Variants in CD82 observed in about 807,000 individuals in gnomAD.
CD82 encodes the protein CD82 antigen.
CD82 carries 36 observed loss-of-function variants against 37.4 expected under a neutral mutation model. The ratio of observed to expected loss-of-function variants is 0.96; its 90% CI spans 0.74 to 1.27. The LOEUF (loss-of-function observed/expected upper bound fraction) is 1.27. Among genes scored for constraint, CD82 ranks in the 50% most tolerant of loss-of-function variants. The pLI is 0.00. For missense variants in CD82, 340 were observed against 347.0 expected (o/e 0.98, Z 0.16); for synonymous variants, 158 against 137.4 (o/e 1.15, Z -1.05).
intron 1 of CD82, among the ~76,000 whole-genome samples, chr11:44,567,464 C>T (rs1353646506): frequency 1.3e-5 from 2 of 151,172 alleles, no homozygotes; most frequent in East Asian, 3.9e-4. Flanking sequence ...GGTAAGGAGG[C>T]TTCCTGGAGG....
intron 1 of CD82, chr11:44,566,299 T>G (rs1852734162): frequency 6.6e-6 from 1 of 152,220 alleles, no homozygotes; most frequent in Non-Finnish European, 1.5e-5. Flanking sequence ...CCCCTAAGAC[T>G]TCAAGTTGGA....
chr11:44,600,739 T>C (rs913664425), intron 4 of CD82, among the ~76,000 whole-genome samples: 2 of 152,200 alleles, frequency 1.3e-5, no homozygotes, highest in African/African-American at 4.8e-5. Context: ...ATCAGGCTCC[T>C]CATGTGCCAG....
chr11:44,569,045 G>A (rs77691947), intron 1 of CD82, among the ~76,000 whole-genome samples: 2,320 of 152,332 alleles, frequency 0.015, 58 homozygotes, highest in African/African-American at 0.053. Context: ...GGCTCTGTGA[G>A]AGGTGGGAAG....
At chr11:44,600,067 C>T (rs1853285379) in intron 3 of CD82, 91 bp from the exon 4 acceptor site, 1 of 1,332,668 alleles carries the variant, frequency 7.5e-7, no homozygotes, top group South Asian at 1.2e-5. Context: ...GCCCCCTGCC[C>T]TGCCCACCCT....
chr11:44,597,044 G>A lies in CD82; in HGVS notation c.63+2319G>A, dbSNP rs1444704569. The A allele has an allele frequency of 2.2e-6, 1 of 455,586 alleles. No homozygotes were observed. Among genetic ancestry groups the A allele is most frequent in the Non-Finnish European group, 4.4e-6 (1 of 226,936 alleles). 28.2% of individuals were successfully genotyped at this position (455,586 alleles called of 1,614,324 possible). A position where few individuals can be genotyped will look rare whatever the true frequency, so the allele number is the denominator to read the frequency against. On this transcript the variant is annotated intron_variant, in intron 3 of 9. Transcript: ENST00000227155. The surrounding 1 kb of genome is among the most constrained non-coding windows in gnomAD (Gnocchi z 4.1). ...CCTGGCAGCAGGGGCAGCCGGTGGA[G>A]GCAGAGTGCACCTCCCCAGGCATAG... is the stretch of plus-strand genomic sequence containing the variant.
intron 3 of CD82, among the ~76,000 whole-genome samples, chr11:44,599,182 G>A (rs1276181177): frequency 6.6e-6 from 1 of 152,180 alleles, no homozygotes; most frequent in East Asian, 1.9e-4. Flanking sequence ...AGGGGGTCTT[G>A]CCCTGTCACC....
chr11:44,568,099 G>T (rs954483146), intron 1 of CD82, among the ~76,000 whole-genome samples: 1 of 152,212 alleles, frequency 6.6e-6, no homozygotes, highest in African/African-American at 2.4e-5. Context: ...GCCACTGAAG[G>T]TTTCTGAGGA....
intron 1 of CD82, among the ~76,000 whole-genome samples, chr11:44,569,679 G>C (rs1188790363): frequency 2.0e-5 from 3 of 152,090 alleles, no homozygotes; most frequent in Non-Finnish European, 4.4e-5. Context: ...TCCCCTCAAA[G>C]AGCACTTGAT....
chr11:44,595,944 T>C (rs1032049390), intron 3 of CD82, among the ~76,000 whole-genome samples: 3 of 145,092 alleles, frequency 2.1e-5, no homozygotes, highest in African/African-American at 5.2e-5. Flanking sequence ...ATTTTAAAAA[T>C]TCCCCCTTCA....
intron 6 of CD82, among the ~76,000 whole-genome samples, chr11:44,610,488 C>G (rs1244386053): frequency 6.6e-6 from 1 of 152,244 alleles, no homozygotes; most frequent in Non-Finnish European, 1.5e-5. Flanking sequence ...GCAAAGGTCT[C>G]TCCTAACTCT....
At chr11:44,615,405 T>C in intron 7 of CD82, 32 bp downstream of exon 7, 1 of 1,346,830 alleles carries the variant, frequency 7.4e-7, no homozygotes, top group South Asian at 1.2e-5. Context: ...GGAGGCTCTC[T>C]GGCCTGGGTG....
chr11:44,610,354 A>AT (rs1431715893), intron 6 of CD82, among the ~76,000 whole-genome samples: 4 of 152,198 alleles, frequency 2.6e-5, no homozygotes, highest in African/African-American at 9.7e-5. Context: ...CAGAACTTAA[A>AT]TTGTATCAGA....
chr11:44,572,681 G>A (rs774244408), intron 1 of CD82, among the ~76,000 whole-genome samples: 5 of 152,308 alleles, frequency 3.3e-5, no homozygotes, highest in South Asian at 2.1e-4. Context: ...CACCCTGAGC[G>A]TTGGGTGGTG....
intron 3 of CD82, chr11:44,596,978 A>G: frequency 2.2e-6 from 1 of 456,182 alleles, no homozygotes; most frequent in South Asian, 1.5e-5. Context: ...AGGTCAGCAA[A>G]GGCTTCCTGG....
At chr11:44,617,387 C>T (rs990701779) in intron 7 of CD82, among the ~76,000 whole-genome samples, 4 of 151,946 alleles carry the variant, frequency 2.6e-5, no homozygotes, top group Non-Finnish European at 4.4e-5. Context: ...GGTGAAACCC[C>T]GTCTCTACTA....
Position 44,604,825 on chromosome 11 carries a change from C to A in CD82, c.137-233C>A, listed in dbSNP as rs535456594. ...AGCCTTACGAAGTAAAAAATAAAGCCGGGAAGGGGCTTAGGCTGGATGAGG... is the reference window on the plus strand; with the variant it reads ...AGCCTTACGAAGTAAAAAATAAAGCAGGGAAGGGGCTTAGGCTGGATGAGG... On this transcript the variant is annotated intron_variant, in intron 4 of 9. Transcript: ENST00000227155. The A allele has an allele frequency of 5.0e-4, 289 of 575,082 alleles. 1 individual carries two copies. In the South Asian group the frequency reaches 5.4e-3, roughly 11 times the overall value. 35.6% of individuals were successfully genotyped at this position (575,082 alleles called of 1,614,324 possible). A position where few individuals can be genotyped will look rare whatever the true frequency, so the allele number is the denominator to read the frequency against.
chr11:44,609,891 T>C (rs1394386847), intron 6 of CD82, among the ~76,000 whole-genome samples: 1 of 152,180 alleles, frequency 6.6e-6, no homozygotes, highest in African/African-American at 2.4e-5. Flanking sequence ...AAGCACACGC[T>C]GGTCACTGGC....
chr11:44,568,472 C>T (rs1332494071), intron 1 of CD82, among the ~76,000 whole-genome samples: 6 of 144,174 alleles, frequency 4.2e-5, no homozygotes, highest in Non-Finnish European at 6.0e-5. Context: ...GGGGAGGCAT[C>T]TGGGCCGAAA....
At chr11:44,616,640 A>G (rs1853568728) in intron 7 of CD82, among the ~76,000 whole-genome samples, 1 of 152,196 alleles carries the variant, frequency 6.6e-6, no homozygotes, top group Admixed American at 6.5e-5. Flanking sequence ...TTCCTCATCT[A>G]TACAATGGGG....
Sources: gnomAD v4.1 joint callset for allele counts (sites outside exome capture counted in the v4.1 genomes callset) on GRCh38, gnomAD v4.1.1 for gene constraint, Gnocchi (gnomAD v3.1) non-coding constraint, MANE v1.5 for transcripts, NCBI Gene and HGNC (gene_info 2026-07-23, HGNC 2026-07-21) for gene names.